The following RARA variants were observed in gnomAD, a reference collection of about 807,000 sequenced individuals.
RARA encodes the protein PML-DDX5-RARA fusion.
Under a neutral mutation model 42.8 loss-of-function variants are expected in RARA, and 5 were observed. That is an observed-to-expected ratio of 0.12 (90% CI 0.06 to 0.25). The LOEUF (loss-of-function observed/expected upper bound fraction) is 0.25. Among genes scored for constraint, RARA ranks in the 10% least tolerant of loss-of-function variants. RARA has a pLI of 1.00. For missense variants in RARA, 402 were observed against 628.7 expected, an observed-to-expected ratio of 0.64 and a Z score of 3.86; for synonymous variants, 256 against 259.5, an observed-to-expected ratio of 0.99 and a Z score of 0.13.
intron 2 of RARA, among the ~76,000 whole-genome samples, chr17:40,344,554 G>A (rs1477843523): frequency 1.3e-5 from 2 of 152,086 alleles, no homozygotes; most frequent in African/African-American, 4.8e-5. Context: ...GCTCTTCCTG[G>A]CCCAGAACTG....
intron 4 of RARA, among the ~76,000 whole-genome samples, chr17:40,350,878 G>A (rs554320372): frequency 6.6e-6 from 1 of 151,956 alleles, no homozygotes; most frequent in African/African-American, 2.4e-5. Context: ...GGAACCCTTC[G>A]CTTAAGGGCT....
At chr17:40,339,752 C>A (rs1374593427) in intron 2 of RARA, among the ~76,000 whole-genome samples, 2 of 152,204 alleles carry the variant, frequency 1.3e-5, no homozygotes, top group Admixed American at 1.3e-4. Flanking sequence ...CTCCCCTGTT[C>A]CTGCCATGAG....
chr17:40,324,269 C>G (rs2033475159), intron 1 of RARA, among the ~76,000 whole-genome samples: 1 of 152,118 alleles, frequency 6.6e-6, no homozygotes, highest in African/African-American at 2.4e-5. Context: ...GCTGTGGCCT[C>G]AGTAGGCTCA....
chr17:40,342,920 G>A, intron 2 of RARA: 1 of 1,564,002 alleles, frequency 6.4e-7, no homozygotes, highest in Non-Finnish European at 8.6e-7. Context: ...TGGGCGGTAG[G>A]GCTTCCACTA....
At chr17:40,337,449 T>G (rs1166810554) in intron 2 of RARA, among the ~76,000 whole-genome samples, 1 of 152,228 alleles carries the variant, frequency 6.6e-6, no homozygotes. Flanking sequence ...ATAAGGGGCC[T>G]GGGCCAGATC....
At chr17:40,335,582 CG>C (rs1220273439) in intron 2 of RARA, among the ~76,000 whole-genome samples, 4 of 151,954 alleles carry the variant, frequency 2.6e-5, no homozygotes, top group African/African-American at 9.7e-5. Context: ...CCCAGCTACT[CG>C]GGAGGCTGAG....
intron 1 of RARA, among the ~76,000 whole-genome samples, chr17:40,315,619 A>T (rs1225074024): frequency 6.6e-6 from 1 of 152,038 alleles, no homozygotes; most frequent in African/African-American, 2.4e-5. Context: ...GCTTCTCATC[A>T]TCTCTTCGGA....
At position 40,354,634 on chromosome 17, in the gene RARA, C is replaced by T; in HGVS notation, c.1012+128C>T. The stretch of plus-strand genomic sequence containing the variant: ...GAGGGCAGGGTCTGGTCTGCAACTA[C>T]ACAGCAAGGGGGCCATGTGGGGCCT... On this transcript the variant is annotated intron_variant, in intron 7 of 8. Coordinates refer to ENST00000254066, the MANE Select transcript of RARA (RefSeq NM_000964.4). The surrounding 1 kb of genome is among the most constrained non-coding windows in gnomAD (Gnocchi z 4.5). 1 of 1,155,070 alleles carries T rather than the reference C, an allele frequency of 8.7e-7. No homozygotes were observed. The highest frequency in any genetic ancestry group is 1.2e-6 in the Non-Finnish European group (1 of 831,112). 71.6% of individuals were successfully genotyped at this position (1,155,070 alleles called of 1,614,324 possible).
At chr17:40,332,806 C>G (rs1011167533) in intron 2 of RARA, among the ~76,000 whole-genome samples, 1 of 152,260 alleles carries the variant, frequency 6.6e-6, no homozygotes, top group Non-Finnish European at 1.5e-5. Context: ...TGTCTCTTCT[C>G]TCCACCTCAT....
At chr17:40,350,763 A>G (rs2034418042) in intron 4 of RARA, among the ~76,000 whole-genome samples, 1 of 151,830 alleles carries the variant, frequency 6.6e-6, no homozygotes, top group Non-Finnish European at 1.5e-5. Context: ...ACAGGAATGG[A>G]GGGGACTGGA....
intron 1 of RARA, chr17:40,318,213 C>G (rs1397444845): frequency 6.6e-6 from 1 of 152,238 alleles, no homozygotes; most frequent in African/African-American, 2.4e-5. Context: ...CAGGGCCTCC[C>G]CCTACCTCTG....
At chr17:40,349,237 C>T (rs1320863943) in intron 3 of RARA, 1 of 160,024 alleles carries the variant, frequency 6.2e-6, no homozygotes, top group Non-Finnish European at 1.4e-5. Context: ...TCTGGTCAGC[C>T]TGTATGTGGA....
rs1405928636 is a variant in RARA at position 40,348,475 on chromosome 17, G to A, written c.327+11G>A. The A allele has an allele frequency of 1.2e-6, 2 of 1,610,692 alleles. No homozygotes were observed. Among genetic ancestry groups the A allele is most frequent in the Admixed American group, 3.4e-5 (2 of 59,598 alleles). Reference sequence around the variant, plus strand: ...TGTGAGGGCTGCAAGGTGAGTTGAAGGGGTCATTGGGAAGGACAGCTTGAT... The same window carrying A: ...TGTGAGGGCTGCAAGGTGAGTTGAAAGGGTCATTGGGAAGGACAGCTTGAT... On this transcript the variant is annotated intron_variant, in intron 3 of 8. Transcript: ENST00000254066.
At chr17:40,343,542 C>T (rs1039249945) in intron 2 of RARA, among the ~76,000 whole-genome samples, 2 of 152,188 alleles carry the variant, frequency 1.3e-5, no homozygotes, top group Non-Finnish European at 2.9e-5. Flanking sequence ...AGGCTTTCAT[C>T]CCCAGGAGTG....
intron 2 of RARA, among the ~76,000 whole-genome samples, chr17:40,346,107 C>T (rs1041231698): frequency 6.6e-6 from 1 of 152,222 alleles, no homozygotes; most frequent in Non-Finnish European, 1.5e-5. Flanking sequence ...CTGGTCATCT[C>T]TCCCATTCTG....
intron 1 of RARA, chr17:40,323,010 A>C (rs1401489073): frequency 1.3e-5 from 2 of 152,010 alleles, no homozygotes; most frequent in East Asian, 3.9e-4. Flanking sequence ...TGCCATGGTG[A>C]TGTCTGCCGT....
Position 40,320,318 on chromosome 17 carries a change from A to G in RARA, c.-362-10539A>G, listed in dbSNP as rs554581091. Among the ~76,000 whole-genome samples the G allele has an allele frequency of 5.9e-5, 9 of 152,062 alleles. No homozygotes were observed. The highest frequency in any genetic ancestry group is 1.3e-4 in the Admixed American group (2 of 15,278). ...CTTTTTAGTCCCCTTCCTACTCCCA[A>G]CCTTGAGGCAGCCTGGCAGGAAGCC... On this transcript the variant is annotated intron_variant, in intron 1 of 8. Coordinates refer to ENST00000254066, the MANE Select transcript of RARA (RefSeq NM_000964.4). This position sits in a 1 kb window ranked among gnomAD's most constrained non-coding sequence, Gnocchi z 4.1.
At position 40,355,693 on chromosome 17, in the gene RARA, G is replaced by A. The variant is rs919484436; in HGVS notation, c.1171+272G>A. On this transcript the variant is annotated intron_variant, in intron 8 of 8. Coordinates refer to ENST00000254066, the MANE Select transcript of RARA (RefSeq NM_000964.4). This position sits in a 1 kb window ranked among gnomAD's most constrained non-coding sequence, Gnocchi z 4.1. ...AGCTCCTAGCTACAGTTTCCCTTCC[G>A]AGGGCGGGGATAACATTCGTGTTTA... Among the ~76,000 whole-genome samples, 1 of 152,168 alleles carries A rather than the reference G, an allele frequency of 6.6e-6. No individual in the cohort carries two copies. The highest frequency in any genetic ancestry group is 2.4e-5 in the African/African-American group (1 of 41,414).
chr17:40,344,676 G>C (rs9303286), intron 2 of RARA, among the ~76,000 whole-genome samples: 33,811 of 152,162 alleles, frequency 0.22, 5,726 homozygotes, highest in African/African-American at 0.47. Context: ...TTCTGGGGTG[G>C]GGTAGTAGAC....
Sources: gnomAD v4.1 joint callset for allele counts (sites outside exome capture counted in the v4.1 genomes callset) on GRCh38, gnomAD v4.1.1 for gene constraint, Gnocchi (gnomAD v3.1) non-coding constraint, MANE v1.5 for transcripts, NCBI Gene and HGNC (gene_info 2026-07-23, HGNC 2026-07-21) for gene names.